The following GLRA1 variants were observed in gnomAD, a reference collection of about 807,000 sequenced individuals.
The protein encoded by GLRA1 is glycine receptor subunit alpha-1.
Under a neutral mutation model 48.3 loss-of-function variants are expected in GLRA1, and 37 were observed. The ratio of observed to expected loss-of-function variants is 0.77; its 90% CI spans 0.59 to 1.01. GLRA1 has a LOEUF of 1.01. Ranked by LOEUF, GLRA1 falls within the 50% of genes least tolerant of loss-of-function variation. GLRA1 has a pLI of 0.00. For missense variants in GLRA1, 427 were observed against 571.0 expected (o/e 0.75, Z 2.57); for synonymous variants, 196 against 210.7 (o/e 0.93, Z 0.60).
chr5:151,833,250 A>G (rs1031994666), intron 7 of GLRA1, among the ~76,000 whole-genome samples: 2 of 152,214 alleles, frequency 1.3e-5, no homozygotes, highest in African/African-American at 4.8e-5. Flanking sequence ...ACTAATGGGC[A>G]AAATAACCAG....
At chr5:151,910,844 C>A (rs1202184693) in intron 1 of GLRA1, among the ~76,000 whole-genome samples, 1 of 152,166 alleles carries the variant, frequency 6.6e-6, no homozygotes, top group Non-Finnish European at 1.5e-5. Context: ...CTAGGTCCTG[C>A]AATTCTATAG....
At chr5:151,875,063 T>C (rs753944242) in intron 3 of GLRA1, among the ~76,000 whole-genome samples, 1 of 152,188 alleles carries the variant, frequency 6.6e-6, no homozygotes, top group African/African-American at 2.4e-5. Context: ...ATTTTTGTGA[T>C]TTAAAATGTC....
intron 4 of GLRA1, among the ~76,000 whole-genome samples, chr5:151,856,861 A>G (rs796888167): frequency 3.3e-5 from 5 of 152,336 alleles, no homozygotes; most frequent in African/African-American, 1.2e-4. Flanking sequence ...TGCAAATTAC[A>G]TACACACACA....
At chr5:151,900,684 C>T (rs986465645) in intron 1 of GLRA1, among the ~76,000 whole-genome samples, 1 of 152,164 alleles carries the variant, frequency 6.6e-6, no homozygotes, top group Non-Finnish European at 1.5e-5. Context: ...TTCTCATCTT[C>T]CTTCTCCTTA....
At chr5:151,856,743 A>G (rs1753057582) in intron 4 of GLRA1, among the ~76,000 whole-genome samples, 1 of 151,936 alleles carries the variant, frequency 6.6e-6, no homozygotes, top group Admixed American at 6.6e-5. Flanking sequence ...GCTAGTCTCG[A>G]ACTCCCAGGC....
intron 7 of GLRA1, among the ~76,000 whole-genome samples, chr5:151,844,621 CAA>C (rs202218874): frequency 8.0e-5 from 4 of 49,738 alleles, no homozygotes; most frequent in Admixed American, 2.8e-4. Flanking sequence ...TACTCTATCT[CAA>C]AAAAAAAAAA....
At chr5:151,840,544 CTAAA>C (rs1581606222) in intron 7 of GLRA1, among the ~76,000 whole-genome samples, 2 of 151,784 alleles carry the variant, frequency 1.3e-5, no homozygotes, top group African/African-American at 4.8e-5. Flanking sequence ...TGGAAATAGA[CTAAA>C]CAAACTAATT....
chr5:151,837,754 C>A (rs981927928), intron 7 of GLRA1, among the ~76,000 whole-genome samples: 1 of 152,026 alleles, frequency 6.6e-6, no homozygotes, highest in African/African-American at 2.4e-5. Context: ...AATGGGAGTT[C>A]AACAATGAGA....
At chr5:151,876,585 T>C (rs1201294438) in intron 3 of GLRA1, among the ~76,000 whole-genome samples, 1 of 152,160 alleles carries the variant, frequency 6.6e-6, no homozygotes, top group Non-Finnish European at 1.5e-5. Flanking sequence ...TTGTTTTCCT[T>C]AAAATAGACT....
intron 7 of GLRA1, among the ~76,000 whole-genome samples, chr5:151,835,050 A>G (rs985979258): frequency 2.1e-5 from 3 of 146,156 alleles, no homozygotes; most frequent in Non-Finnish European, 4.5e-5. Context: ...AAAAAAAAAA[A>G]GAGAAGAATG....
rs1267411384 is a variant in GLRA1, at chr5:151,829,061, AG to A, written c.918del (p.Tyr307MetfsTer2). 1 of 1,613,926 alleles carries A rather than the reference AG, an allele frequency of 6.2e-7. No individual in the cohort carries two copies. The highest frequency in any genetic ancestry group is 1.1e-5 in the South Asian group (1 of 91,072). ...ATCCAAATGTCAATGGCTTTCACAT[AG>A]GACACCTAGAGTGGGGGTGGAGGAG... ...SGSRASLPKV[S>X]YVKAIDIWMA... On this transcript the variant is annotated frameshift_variant, in exon 8 of 9. Coordinates refer to ENST00000274576, the MANE Select transcript of GLRA1 (RefSeq NM_000171.4). LOFTEE classifies it high-confidence loss of function.
At chr5:151,846,173 T>C (rs1752669626) in intron 7 of GLRA1, among the ~76,000 whole-genome samples, 1 of 152,186 alleles carries the variant, frequency 6.6e-6, no homozygotes, top group Non-Finnish European at 1.5e-5. Flanking sequence ...GTTGTACAAC[T>C]TTGTGAATAT....
At chr5:151,913,897 A>T (rs1754677333) in intron 1 of GLRA1, among the ~76,000 whole-genome samples, 1 of 152,236 alleles carries the variant, frequency 6.6e-6, no homozygotes, top group South Asian at 2.1e-4. Context: ...GTCAGGCACG[A>T]AGGAAGCACT....
intron 3 of GLRA1, among the ~76,000 whole-genome samples, chr5:151,863,221 G>C (rs958536829): frequency 6.6e-6 from 1 of 152,146 alleles, no homozygotes; most frequent in Non-Finnish European, 1.5e-5. Flanking sequence ...TGGCCAACAT[G>C]ATGATACCTC....
At chr5:151,915,851 A>G (rs957158624) in intron 1 of GLRA1, among the ~76,000 whole-genome samples, 3 of 152,162 alleles carry the variant, frequency 2.0e-5, no homozygotes, top group African/African-American at 7.2e-5. Flanking sequence ...ATGTATGCAG[A>G]CATTGTGCAG....
chr5:151,911,681 A>G (rs1313273029), intron 1 of GLRA1, among the ~76,000 whole-genome samples: 1 of 147,458 alleles, frequency 6.8e-6, no homozygotes, highest in Non-Finnish European at 1.5e-5. Context: ...CCTCTGCTCA[A>G]TGCAAGCTCC....
intron 4 of GLRA1, among the ~76,000 whole-genome samples, chr5:151,858,833 C>T (rs950934120): frequency 6.6e-6 from 1 of 152,130 alleles, no homozygotes; most frequent in Non-Finnish European, 1.5e-5. Flanking sequence ...TTAGGACCAG[C>T]GCCCTTTTTT....
At chr5:151,862,235 A>G (rs1753226153) in intron 3 of GLRA1, among the ~76,000 whole-genome samples, 1 of 152,190 alleles carries the variant, frequency 6.6e-6, no homozygotes, top group African/African-American at 2.4e-5. Context: ...CATATATAGA[A>G]AGCCGAAACT....
rs1037723601 is a variant in GLRA1, at chr5:151,822,783, T to G, written c.1240A>C (p.Lys414Gln). ...MRKLFIQRAK[K>Q]IDKISRIGFP... ...CCAATGCGGGATATTTTGTCGATCT[T>G]CTTGGCCCTCTGGATGAAGAGTTTT... The change falls in exon 9 of 9, where the codon AAG becomes CAG. Residue 414 changes from lysine (K) to glutamine (Q), a missense_variant. Coordinates refer to ENST00000274576, the MANE Select transcript of GLRA1 (RefSeq NM_000171.4). 1.4e-5 allele frequency: 23 copies of G among 1,613,948 alleles called. No homozygotes were observed. Among genetic ancestry groups the G allele is most frequent in the Non-Finnish European group, 1.9e-5 (22 of 1,179,968 alleles).
Sources: gnomAD v4.1 joint callset for allele counts (sites outside exome capture counted in the v4.1 genomes callset) on GRCh38, gnomAD v4.1.1 for gene constraint, MANE v1.5 for transcripts, NCBI Gene and HGNC (gene_info 2026-07-23, HGNC 2026-07-21) for gene names.